Variants in ADCY1 observed in about 807,000 individuals in gnomAD.
The protein encoded by ADCY1 is adenylate cyclase type 1.
ADCY1 carries 28 observed loss-of-function variants against 105.4 expected under a neutral mutation model. The ratio of observed to expected loss-of-function variants is 0.27; its 90% confidence interval spans 0.20 to 0.36. The LOEUF is 0.36. Among genes scored for constraint, ADCY1 ranks in the 10% least tolerant of loss-of-function variants. ADCY1 has a pLI of 1.00. For missense variants in ADCY1, 977 were observed against 1,434.2 expected (o/e 0.68, Z 5.15); for synonymous variants, 655 against 623.8 (o/e 1.05, Z -0.75).
chr7:45,648,649 G>T (rs1336940639), intron 4 of ADCY1, 21 bp from the exon 5 acceptor site: 1 of 1,613,882 alleles, frequency 6.2e-7, no homozygotes, highest in African/African-American at 1.3e-5. Context: ...CTCTTACCAT[G>T]TGCCTTGCCC....
intron 4 of ADCY1, among the ~76,000 whole-genome samples, chr7:45,639,328 T>C (rs1223047985): frequency 1.3e-5 from 2 of 152,330 alleles, no homozygotes; most frequent in East Asian, 3.9e-4. Flanking sequence ...CCCCTTTGAA[T>C]TGATGAGAAA....
At chr7:45,599,826 A>G (rs1793177993) in intron 2 of ADCY1, among the ~76,000 whole-genome samples, 1 of 152,118 alleles carries the variant, frequency 6.6e-6, no homozygotes, top group Non-Finnish European at 1.5e-5. Context: ...GGGTTTCACC[A>G]TGTTGGTCAG....
chr7:45,669,332 T>C (rs1401625788), intron 8 of ADCY1, among the ~76,000 whole-genome samples: 2 of 152,252 alleles, frequency 1.3e-5, no homozygotes, highest in Non-Finnish European at 2.9e-5. Context: ...ATGTTGTATC[T>C]TTGTTCTCGT....
chr7:45,583,684 A>G (rs1476903677), intron 1 of ADCY1, among the ~76,000 whole-genome samples: 1 of 151,818 alleles, frequency 6.6e-6, no homozygotes, highest in Non-Finnish European at 1.5e-5. Context: ...CTTGTTGCCC[A>G]GGCCGGAGTG....
intron 8 of ADCY1, chr7:45,664,515 G>A: frequency 7.3e-7 from 1 of 1,375,942 alleles, no homozygotes; most frequent in Non-Finnish European, 9.4e-7. Flanking sequence ...AATTGATTAT[G>A]GAAAATATGG....
chr7:45,646,848 G>A (rs1279601106), intron 4 of ADCY1, among the ~76,000 whole-genome samples: 9 of 152,194 alleles, frequency 5.9e-5, no homozygotes, highest in Admixed American at 5.2e-4. Flanking sequence ...GGATGTCTTT[G>A]TACTGTCACC....
chr7:45,699,012 C>T (rs1338513494), intron 14 of ADCY1, among the ~76,000 whole-genome samples: 1 of 152,212 alleles, frequency 6.6e-6, no homozygotes, highest in Non-Finnish European at 1.5e-5. Flanking sequence ...GAGCATACAG[C>T]CAGCTGAGTA....
intron 2 of ADCY1, among the ~76,000 whole-genome samples, chr7:45,607,689 G>C (rs1192953044): frequency 1.3e-5 from 2 of 152,200 alleles, no homozygotes; most frequent in Non-Finnish European, 2.9e-5. Context: ...ACTCGTAAGT[G>C]AGAACATGTG....
At chr7:45,579,473 C>A (rs537837202) in intron 1 of ADCY1, among the ~76,000 whole-genome samples, 78 of 152,198 alleles carry the variant, frequency 5.1e-4, no homozygotes, top group African/African-American at 1.8e-3. Context: ...GGCCCCTACT[C>A]CCCCACGGAC....
chr7:45,643,714 G>A lies in ADCY1; in HGVS notation c.1021-4956G>A, dbSNP rs146021001. 3.2e-3 allele frequency among the ~76,000 whole-genome samples: 485 copies of A among 152,290 alleles called. 5 individuals are homozygous for A. The highest frequency in any genetic ancestry group is 0.011 in the African/African-American group (449 of 41,560). On this transcript the variant is annotated intron_variant, in intron 4 of 19. Transcript: ENST00000297323. ...TAAAAAACCGAAGTCGAGGTACATG[G>A]AGAGACCCCTCCCTTGCTCACTGTT...
intron 1 of ADCY1, among the ~76,000 whole-genome samples, chr7:45,577,159 C>T (rs1048530367): frequency 1.3e-5 from 2 of 152,118 alleles, no homozygotes; most frequent in African/African-American, 2.4e-5. Flanking sequence ...AGCTGTGACT[C>T]CCTGGGCAAT....
intron 2 of ADCY1, among the ~76,000 whole-genome samples, chr7:45,607,493 C>T (rs535430954): frequency 1.3e-5 from 2 of 152,262 alleles, no homozygotes; most frequent in South Asian, 2.1e-4. Context: ...AGGTTTGTTA[C>T]GTTGATATAC....
chr7:45,640,689 T>TC (rs1554323006), intron 4 of ADCY1, among the ~76,000 whole-genome samples: 17 of 152,216 alleles, frequency 1.1e-4, no homozygotes, highest in Admixed American at 1.0e-3. Context: ...TCTAGGTTTC[T>TC]AAAAAACAAC....
At chr7:45,605,878 G>T (rs1403299079) in intron 2 of ADCY1, among the ~76,000 whole-genome samples, 1 of 152,162 alleles carries the variant, frequency 6.6e-6, no homozygotes, top group African/African-American at 2.4e-5. Flanking sequence ...GGTATGATGA[G>T]TGATGGTTCA....
intron 7 of ADCY1, 92 bp downstream of exon 7, chr7:45,660,275 A>G (rs1795059610): frequency 6.6e-7 from 1 of 1,521,606 alleles, no homozygotes; most frequent in African/African-American, 1.4e-5. Flanking sequence ...TTCCTCTCCA[A>G]GCACTGCTTC....
intron 7 of ADCY1, among the ~76,000 whole-genome samples, chr7:45,661,651 G>A (rs914626525): frequency 6.6e-6 from 1 of 152,104 alleles, no homozygotes; most frequent in Non-Finnish European, 1.5e-5. Flanking sequence ...GCACTGCCCA[G>A]CCCTCCCCAT....
chr7:45,646,821 C>G (rs1463652086), intron 4 of ADCY1, among the ~76,000 whole-genome samples: 1 of 152,168 alleles, frequency 6.6e-6, no homozygotes, highest in Non-Finnish European at 1.5e-5. Context: ...GGAAGGGACC[C>G]TAAGTGGCCA....
intron 4 of ADCY1, among the ~76,000 whole-genome samples, chr7:45,627,191 A>C (rs552847461): frequency 6.6e-6 from 1 of 152,344 alleles, no homozygotes; most frequent in Non-Finnish European, 1.5e-5. Flanking sequence ...AATGAGGCTC[A>C]TGTGGTAAAA....
chr7:45,710,759 C>G lies in ADCY1; in HGVS notation c.3057+107C>G. On this transcript the variant is annotated intron_variant, in intron 19 of 19. Coordinates refer to ENST00000297323, the MANE Select transcript of ADCY1 (RefSeq NM_021116.4). The surrounding 1 kb of genome is among the most constrained non-coding windows in gnomAD (Gnocchi z 4.7). ...TCCCCAGTCTACAGCCCGTAAGTGG[C>G]AGGGCAGAAAGAGCTGCATATTTCG... 7.1e-7 allele frequency: 1 copy of G among 1,410,620 alleles called. No individual in the cohort carries two copies. Among genetic ancestry groups the G allele is most frequent in the South Asian group, 1.5e-5 (1 of 67,782 alleles). The allele number at this position is 1,410,620 out of a possible 1,614,324, so 87.4% of individuals were successfully genotyped here.
Sources: allele counts gnomAD v4.1 joint callset (sites outside exome capture counted in the v4.1 genomes callset), GRCh38; gene constraint gnomAD v4.1.1; non-coding constraint Gnocchi (gnomAD v3.1); transcripts MANE v1.5; gene names NCBI Gene and HGNC (gene_info 2026-07-23, HGNC 2026-07-21).